Variants in EDIL3 observed in about 807,000 individuals in gnomAD.
EDIL3 encodes EGF-like repeat and discoidin I-like domain-containing protein 3.
In EDIL3, 37 loss-of-function variants were observed where a neutral mutation model predicts 67.4. That is an observed-to-expected ratio of 0.55 (90% CI 0.42 to 0.72). EDIL3 has a LOEUF of 0.72. EDIL3 is among the 30% of genes least tolerant of loss of function. The probability of loss-of-function intolerance (pLI) is 0.00; values close to 1 mark genes in which losing one functional copy is unlikely to be tolerated. For synonymous variants in EDIL3, 195 were observed against 196.3 expected (o/e 0.99, Z 0.05); for missense variants, 527 against 586.3 (o/e 0.90, Z 1.04).
chr5:84,080,926 T>C (rs1746954837), intron 6 of EDIL3, among the ~76,000 whole-genome samples: 2 of 152,230 alleles, frequency 1.3e-5, no homozygotes. Flanking sequence ...TCCTCCATGT[T>C]CTGAATGCTG....
rs546527862 is a variant in EDIL3 at position 84,360,157 on chromosome 5, G to A, written c.67+24151C>T. On this transcript the variant is annotated intron_variant, in intron 1 of 10. Coordinates refer to ENST00000296591, the MANE Select transcript of EDIL3 (RefSeq NM_005711.5). ...AGCTCAAAACCAGTGGATCAGGAGA[G>A]TTGAAGATTTGAAGGAGAGTGGTTA... Among the ~76,000 whole-genome samples, 7 of 152,256 alleles carry A rather than the reference G, an allele frequency of 4.6e-5. No individual in the cohort carries two copies. In the South Asian group the frequency reaches 1.5e-3, roughly 32 times the overall value.
chr5:84,094,354 G>A (rs1234621918), intron 6 of EDIL3, among the ~76,000 whole-genome samples: 1 of 152,108 alleles, frequency 6.6e-6, no homozygotes, highest in East Asian at 1.9e-4. Flanking sequence ...CTTTAAAGAG[G>A]TGTATGGTAA....
chr5:84,269,814 A>G (rs908863619), intron 1 of EDIL3, among the ~76,000 whole-genome samples: 36 of 152,184 alleles, frequency 2.4e-4, no homozygotes, highest in African/African-American at 8.4e-4. Flanking sequence ...AGTAGACACT[A>G]AAGAGTTTCC....
chr5:84,160,773 TC>T (rs370941408), intron 4 of EDIL3, among the ~76,000 whole-genome samples: 1 of 57,928 alleles, frequency 1.7e-5, no homozygotes, highest in Non-Finnish European at 3.8e-5. Context: ...TCCTTTCCTT[TC>T]CTTTCCTTTC....
chr5:84,238,672 T>TTTTTTTG (rs1744730081), intron 2 of EDIL3, among the ~76,000 whole-genome samples: 1 of 148,720 alleles, frequency 6.7e-6, no homozygotes, highest in South Asian at 2.1e-4. Context: ...AATGTTTTTT[T>TTTTTTTG]TTTTTTTTTT....
chr5:83,994,057 C>T (rs1410212423), intron 9 of EDIL3, among the ~76,000 whole-genome samples: 2 of 152,152 alleles, frequency 1.3e-5, no homozygotes, highest in South Asian at 2.1e-4. Flanking sequence ...TAGTAGTATG[C>T]TCCAACATGG....
At chr5:84,138,486 C>T (rs1477086056) in intron 4 of EDIL3, among the ~76,000 whole-genome samples, 2 of 152,140 alleles carry the variant, frequency 1.3e-5, no homozygotes, top group East Asian at 1.9e-4. Context: ...TGTGCACAAT[C>T]TTAAAACATT....
intron 2 of EDIL3, among the ~76,000 whole-genome samples, chr5:84,241,021 C>T: frequency 6.6e-6 from 1 of 152,212 alleles, no homozygotes; most frequent in Non-Finnish European, 1.5e-5. Flanking sequence ...CTCAGCTCAT[C>T]TCACAAAAGC....
At chr5:84,283,840 C>T (rs1006139607) in intron 1 of EDIL3, among the ~76,000 whole-genome samples, 6 of 152,288 alleles carry the variant, frequency 3.9e-5, no homozygotes, top group African/African-American at 1.4e-4. Context: ...CACAAGTTTA[C>T]TATGTTCAAA....
At chr5:84,358,135 G>A (rs776878479) in intron 1 of EDIL3, among the ~76,000 whole-genome samples, 3 of 152,282 alleles carry the variant, frequency 2.0e-5, no homozygotes, top group South Asian at 2.1e-4. Flanking sequence ...TGTAGGTTTA[G>A]AGGGTCAGCT....
chr5:83,985,713 C>T (rs1238035141), intron 9 of EDIL3, among the ~76,000 whole-genome samples: 1 of 151,666 alleles, frequency 6.6e-6, no homozygotes, highest in Non-Finnish European at 1.5e-5. Context: ...TTGCCTAGCA[C>T]CAGCTATACT....
intron 1 of EDIL3, among the ~76,000 whole-genome samples, chr5:84,344,179 G>T (rs771478965): frequency 6.6e-6 from 1 of 151,990 alleles, no homozygotes; most frequent in Non-Finnish European, 1.5e-5. Flanking sequence ...AATGCCCACG[G>T]AACACCTGCC....
At chr5:84,344,486 G>A (rs190660591) in intron 1 of EDIL3, among the ~76,000 whole-genome samples, 11 of 151,912 alleles carry the variant, frequency 7.2e-5, no homozygotes, top group East Asian at 5.8e-4. Flanking sequence ...TTTTAAACAC[G>A]TTACCAACAA....
intron 1 of EDIL3, among the ~76,000 whole-genome samples, chr5:84,303,838 GTGTGTGTGTGTT>G (rs1287062394): frequency 4.3e-4 from 64 of 147,946 alleles, no homozygotes; most frequent in African/African-American, 1.6e-3. Context: ...GTGTGTGTGT[GTGTGTGTGTGTT>G]TGTGTGTGTG....
intron 1 of EDIL3, among the ~76,000 whole-genome samples, chr5:84,381,445 A>T (rs1580113997): frequency 1.3e-5 from 2 of 152,220 alleles, no homozygotes; most frequent in African/African-American, 4.8e-5. Flanking sequence ...CAACGAAGAC[A>T]TCAATGTGTA....
intron 9 of EDIL3, among the ~76,000 whole-genome samples, chr5:84,028,750 A>AATAT (rs751739507): frequency 6.6e-6 from 1 of 151,710 alleles, no homozygotes; most frequent in Admixed American, 6.6e-5. Context: ...CGGAGTCTTA[A>AATAT]ATATATATAT....
intron 1 of EDIL3, among the ~76,000 whole-genome samples, chr5:84,305,104 AAATAAAATCT>A (rs1746238426): frequency 6.6e-6 from 1 of 152,238 alleles, no homozygotes; most frequent in African/African-American, 2.4e-5. Flanking sequence ...ATAAGAAGGT[AAATAAAATCT>A]AGCAGCCAAA....
chr5:84,149,863 TA>T (rs900399196), intron 4 of EDIL3, among the ~76,000 whole-genome samples: 15 of 150,570 alleles, frequency 1.0e-4, no homozygotes, highest in African/African-American at 2.4e-4. Context: ...CATGCAAAAA[TA>T]AAAAAAAATT....
intron 1 of EDIL3, among the ~76,000 whole-genome samples, chr5:84,356,237 T>C (rs1454543994): frequency 3.3e-5 from 5 of 152,248 alleles, no homozygotes; most frequent in African/African-American, 1.2e-4. Flanking sequence ...TTAAATGAAC[T>C]GATAAACATA....
Sources: gnomAD v4.1 joint callset for allele counts (sites outside exome capture counted in the v4.1 genomes callset) on GRCh38, gnomAD v4.1.1 for gene constraint, MANE v1.5 for transcripts, NCBI Gene and HGNC (gene_info 2026-07-23, HGNC 2026-07-21) for gene names.